The following ADAMTS3 variants were observed in gnomAD, a reference collection of about 807,000 sequenced individuals.
The protein encoded by ADAMTS3 is A disintegrin and metalloproteinase with thrombospondin motifs 3.
A neutral mutation model predicts 129.0 loss-of-function variants in ADAMTS3; 73 were observed. That is an observed-to-expected ratio of 0.57 (90% CI 0.47 to 0.69). The LOEUF is 0.69. Ranked by LOEUF, ADAMTS3 falls within the 30% of genes least tolerant of loss-of-function variation. The probability of loss-of-function intolerance (pLI) is 0.00; values close to 1 mark genes in which losing one functional copy is unlikely to be tolerated. For missense variants in ADAMTS3, 1,457 were observed against 1,514.5 expected, an observed-to-expected ratio of 0.96 and a Z score of 0.63; for synonymous variants, 477 against 510.8, an observed-to-expected ratio of 0.93 and a Z score of 0.89.
intron 3 of ADAMTS3, among the ~76,000 whole-genome samples, chr4:72,527,369 A>G (rs1002542666): frequency 2.0e-5 from 3 of 152,152 alleles, no homozygotes; most frequent in Non-Finnish European, 4.4e-5. Flanking sequence ...CCAGCTTATT[A>G]TTTACTTAGT....
chr4:72,563,880 T>C (rs1401149), intron 2 of ADAMTS3, among the ~76,000 whole-genome samples: 146,837 of 152,270 alleles, frequency 0.96, 71,037 homozygotes, highest in East Asian at 1. Flanking sequence ...AGAGATACAA[T>C]TGGCATCAAA....
At chr4:72,510,000 G>A (rs565407363) in intron 3 of ADAMTS3, among the ~76,000 whole-genome samples, 41 of 151,520 alleles carry the variant, frequency 2.7e-4, no homozygotes, top group African/African-American at 9.2e-4. Context: ...TCAACAGGAT[G>A]AAGAATAAAA....
chr4:72,330,074 A>G (rs887240102), intron 5 of ADAMTS3, among the ~76,000 whole-genome samples: 1 of 152,104 alleles, frequency 6.6e-6, no homozygotes, highest in African/African-American at 2.4e-5. Context: ...GCTGGAGTAC[A>G]ATGGCATCAT....
At chr4:72,308,779 G>T (rs906712687) in intron 15 of ADAMTS3, among the ~76,000 whole-genome samples, 4 of 151,844 alleles carry the variant, frequency 2.6e-5, no homozygotes, top group African/African-American at 9.7e-5. Flanking sequence ...TGAACCTTCA[G>T]TGTATGTCTA....
At chr4:72,489,126 C>T (rs1719667526) in intron 3 of ADAMTS3, among the ~76,000 whole-genome samples, 1 of 151,914 alleles carries the variant, frequency 6.6e-6, no homozygotes, top group Admixed American at 6.6e-5. Context: ...ATTTCTAAAG[C>T]TGAATAAAGG....
intron 3 of ADAMTS3, among the ~76,000 whole-genome samples, chr4:72,437,720 T>C (rs1316648836): frequency 1.3e-5 from 2 of 151,770 alleles, no homozygotes; most frequent in Non-Finnish European, 2.9e-5. Flanking sequence ...GGCTCAGCTC[T>C]TCAAAGCCAT....
At chr4:72,509,862 CA>C (rs1720267274) in intron 3 of ADAMTS3, among the ~76,000 whole-genome samples, 1 of 151,330 alleles carries the variant, frequency 6.6e-6, no homozygotes, top group Non-Finnish European at 1.5e-5. Context: ...CAAAAATCCT[CA>C]AAAAACTACT....
At chr4:72,474,016 C>T (rs1207261779) in intron 3 of ADAMTS3, among the ~76,000 whole-genome samples, 1 of 152,148 alleles carries the variant, frequency 6.6e-6, no homozygotes, top group African/African-American at 2.4e-5. Flanking sequence ...AAATGAGGAA[C>T]ACAAACTTTT....
rs368273974 is a variant in ADAMTS3, at chr4:72,418,955, G to C, written c.505-3984C>G. Among the ~76,000 whole-genome samples the C allele has an allele frequency of 3.3e-5, 5 of 152,190 alleles. No homozygotes were observed. The South Asian group carries it at 8.3e-4, about 25-fold the overall frequency. On this transcript the variant is annotated intron_variant, in intron 3 of 21. Transcript: ENST00000286657. ...TTTCTTTTTCTTTTTCTATTTCCAA[G>C]GTCCTTATAACATCAGGTCTTTGCA...
chr4:72,307,239 T>C (rs1719111535), intron 15 of ADAMTS3, among the ~76,000 whole-genome samples: 1 of 152,046 alleles, frequency 6.6e-6, no homozygotes, highest in East Asian at 1.9e-4. Context: ...AAAGTGGTCC[T>C]TTTGGGATCA....
intron 10 of ADAMTS3, among the ~76,000 whole-genome samples, chr4:72,316,859 C>A (rs954472673): frequency 6.6e-6 from 1 of 152,048 alleles, no homozygotes; most frequent in Non-Finnish European, 1.5e-5. Flanking sequence ...GATTCTCATA[C>A]CAATCCATTG....
intron 3 of ADAMTS3, chr4:72,441,562 T>C (rs942556833): frequency 1.3e-5 from 2 of 151,822 alleles, no homozygotes; most frequent in East Asian, 3.9e-4. Context: ...ATGGTTTTCA[T>C]GGTTACTGCT....
intron 3 of ADAMTS3, among the ~76,000 whole-genome samples, chr4:72,418,621 A>T (rs1722368809): frequency 6.6e-6 from 1 of 152,192 alleles, no homozygotes; most frequent in African/African-American, 2.4e-5. Flanking sequence ...CACCATTTCC[A>T]CTTACTGCCA....
Position 72,517,827 on chromosome 4 carries a change from T to C in ADAMTS3, c.504+30651A>G, listed in dbSNP as rs371307303. Among the ~76,000 whole-genome samples the C allele has an allele frequency of 2.4e-4, 36 of 150,484 alleles. 1 individual carries two copies. In the South Asian group the frequency reaches 4.8e-3, roughly 20 times the overall value. On this transcript the variant is annotated intron_variant, in intron 3 of 21. Coordinates refer to ENST00000286657, the MANE Select transcript of ADAMTS3 (RefSeq NM_014243.3). ...GATTTTTTGAAGGGTTTTTTGTGTC[T>C]CTATTTCCTTCAGTTCTGCTCTGAT... is the stretch of plus-strand genomic sequence containing the variant.
At chr4:72,300,076 G>A (rs1040833691) in intron 17 of ADAMTS3, among the ~76,000 whole-genome samples, 3 of 152,078 alleles carry the variant, frequency 2.0e-5, no homozygotes, top group South Asian at 2.1e-4. Context: ...TGGGGGTAGA[G>A]GATCTGGTTA....
At chr4:72,395,352 T>C (rs895252521) in intron 4 of ADAMTS3, among the ~76,000 whole-genome samples, 4 of 152,164 alleles carry the variant, frequency 2.6e-5, no homozygotes, top group Admixed American at 2.0e-4. Context: ...CATATATCCA[T>C]ATATGCAGTC....
At chr4:72,436,092 G>A in intron 3 of ADAMTS3, among the ~76,000 whole-genome samples, 1 of 151,858 alleles carries the variant, frequency 6.6e-6, no homozygotes, top group East Asian at 1.9e-4. Context: ...GAAAATTTTT[G>A]CAATCTACCC....
intron 21 of ADAMTS3, among the ~76,000 whole-genome samples, chr4:72,285,570 T>G (rs1352241258): frequency 6.6e-6 from 1 of 151,808 alleles, no homozygotes; most frequent in Non-Finnish European, 1.5e-5. Context: ...AGAGAAGGAG[T>G]CCAACCAAAG....
At chr4:72,326,987 CTA>C (rs1203430742) in intron 5 of ADAMTS3, among the ~76,000 whole-genome samples, 1 of 151,928 alleles carries the variant, frequency 6.6e-6, no homozygotes, top group African/African-American at 2.4e-5. Flanking sequence ...CAATGTTTTC[CTA>C]TATTTACACA....
Sources: gnomAD v4.1 joint callset for allele counts (sites outside exome capture counted in the v4.1 genomes callset) on GRCh38, gnomAD v4.1.1 for gene constraint, MANE v1.5 for transcripts, NCBI Gene and HGNC (gene_info 2026-07-23, HGNC 2026-07-21) for gene names.